The following EIF5A2 variants were observed in gnomAD, a reference collection of about 807,000 sequenced individuals.
EIF5A2 encodes eukaryotic translation initiation factor 5A2, also known as eukaryotic translation initiation factor 5A-2.
EIF5A2 carries 15 observed loss-of-function variants against 16.4 expected under a neutral mutation model. That is an observed-to-expected ratio of 0.92 (90% CI 0.61 to 1.41). The LOEUF (loss-of-function observed/expected upper bound fraction) is 1.41. Among genes scored for constraint, EIF5A2 ranks in the 40% most tolerant of loss-of-function variants. The pLI, the probability that EIF5A2 is intolerant of heterozygous loss-of-function variation, is 0.00. For missense variants in EIF5A2, 144 were observed against 189.5 expected (o/e 0.76, Z 1.41); for synonymous variants, 48 against 61.1 (o/e 0.79, Z 1.00).
chr3:170,907,385 T>C (rs547037980), intron 2 of EIF5A2, among the ~76,000 whole-genome samples: 9 of 152,278 alleles, frequency 5.9e-5, no homozygotes, highest in African/African-American at 2.2e-4. Context: ...TTTTCTCATC[T>C]GTAAACTAAA....
intron 4 of EIF5A2, among the ~76,000 whole-genome samples, chr3:170,893,720 GCAT>G (rs1237159895): frequency 2.6e-5 from 4 of 152,142 alleles, no homozygotes; most frequent in African/African-American, 9.7e-5. Flanking sequence ...CATTCCACTA[GCAT>G]CATTTCTTAC....
intron 3 of EIF5A2, among the ~76,000 whole-genome samples, chr3:170,904,406 A>T (rs1367015564): frequency 1.3e-5 from 2 of 152,236 alleles, no homozygotes; most frequent in African/African-American, 4.8e-5. Context: ...AGGATTACAC[A>T]CGCCAAATAA....
intron 3 of EIF5A2, among the ~76,000 whole-genome samples, chr3:170,903,946 G>T (rs1712871860): frequency 1.3e-5 from 2 of 152,178 alleles, no homozygotes; most frequent in African/African-American, 4.8e-5. Flanking sequence ...CTGGAAAATG[G>T]TTTTCAAATG....
rs946628727 is a variant in EIF5A2 at position 170,889,427 on chromosome 3, A to T, written c.*3933T>A. ...AGAGAAAAAATTTAATAGATTAAAT[A>T]GATTGAATTGTCTCAATTTTTAAGG... is the stretch of plus-strand genomic sequence containing the variant. On this transcript the variant is annotated 3_prime_UTR_variant, in exon 5 of 5. Coordinates refer to ENST00000295822, the MANE Select transcript of EIF5A2 (RefSeq NM_020390.6). The T allele has an allele frequency of 3.3e-5, 5 of 152,352 alleles. No individual in the cohort carries two copies. The highest frequency in any genetic ancestry group is 1.2e-4 in the African/African-American group (5 of 41,458). 9.4% of individuals were successfully genotyped at this position (152,352 alleles called of 1,614,324 possible).
Position 170,892,428 on chromosome 3 carries a change from CAAAAAAAAAA to C in EIF5A2, c.*922_*931del, listed in dbSNP as rs34403814. 1.2e-5 allele frequency: 1 copy of C among 81,722 alleles called. No individual in the cohort carries two copies. The highest frequency in any genetic ancestry group is 2.5e-5 in the Non-Finnish European group (1 of 39,938). 5.1% of individuals were successfully genotyped at this position (81,722 alleles called of 1,614,324 possible). ...TGGCTGATGGAGTGAGACTCAGTCT[CAAAAAAAAAA>C]AAAAAAAAAAGGAAGTTGGAAAGGA... On this transcript the variant is annotated 3_prime_UTR_variant, in exon 5 of 5. Coordinates refer to ENST00000295822, the MANE Select transcript of EIF5A2 (RefSeq NM_020390.6).
chr3:170,894,618 G>A (rs781653472), intron 3 of EIF5A2, among the ~76,000 whole-genome samples, 195 bp from the exon 4 acceptor site: 122 of 151,794 alleles, frequency 8.0e-4, no homozygotes, highest in Non-Finnish European at 1.4e-3. Flanking sequence ...TACTCCTCCC[G>A]GTACTTCCCA....
At chr3:170,904,928 C>G (rs1056405750) in intron 3 of EIF5A2, among the ~76,000 whole-genome samples, 20 of 152,104 alleles carry the variant, frequency 1.3e-4, no homozygotes, top group African/African-American at 4.8e-4. Flanking sequence ...AACTTGTCAA[C>G]CAAGGTCACA....
chr3:170,897,015 G>C (rs886188117), intron 3 of EIF5A2, among the ~76,000 whole-genome samples: 1 of 152,192 alleles, frequency 6.6e-6, no homozygotes, highest in Admixed American at 6.5e-5. Flanking sequence ...GCAGCATTTT[G>C]CCCTGCCCTA....
rs1712540346 is a variant in EIF5A2 at position 170,891,697 on chromosome 3, G to C, written c.*1663C>G. On this transcript the variant is annotated 3_prime_UTR_variant, in exon 5 of 5. Coordinates refer to ENST00000295822, the MANE Select transcript of EIF5A2 (RefSeq NM_020390.6). ...CTAAGAGCCAGTCTTAGAGAATTAA[G>C]GTATTTCTGAGATAGTGATTTTGTT... 1 of 152,468 alleles carries C rather than the reference G, an allele frequency of 6.6e-6. No homozygotes were observed. Among genetic ancestry groups the C allele is most frequent in the East Asian group, 1.9e-4 (1 of 5,186 alleles). 9.4% of individuals were successfully genotyped at this position (152,468 alleles called of 1,614,324 possible).
Position 170,907,752 on chromosome 3 carries a change from G to A in EIF5A2, c.55C>T (p.Pro19Ser), listed in dbSNP as rs753032245. The A allele has an allele frequency of 2.5e-6, 4 of 1,593,762 alleles. No individual in the cohort carries two copies. The highest frequency in any genetic ancestry group is 2.2e-5 in the South Asian group (2 of 89,816). ...TTGCGCAAGGCCGAGCACTGCATAG[G>A]GTAAGTGCTGGAAGCCCCGGCATCT... ...TGDAGASSTY[P>S]MQCSALRKNG... Residue 19 changes from proline to serine, a missense_variant, in exon 2 of 5, where the codon CCT becomes TCT. Coordinates refer to ENST00000295822, the MANE Select transcript of EIF5A2 (RefSeq NM_020390.6).
At chr3:170,898,501 C>A (rs546339474) in intron 3 of EIF5A2, among the ~76,000 whole-genome samples, 16 of 152,158 alleles carry the variant, frequency 1.1e-4, no homozygotes, top group African/African-American at 3.6e-4. Context: ...TTGACAGATC[C>A]CCCCTGCTTG....
At chr3:170,896,021 CT>C (rs1712661602) in intron 3 of EIF5A2, among the ~76,000 whole-genome samples, 1 of 152,170 alleles carries the variant, frequency 6.6e-6, no homozygotes, top group African/African-American at 2.4e-5. Context: ...ACAAATCTTT[CT>C]GATTTCTGTT....
At chr3:170,903,519 C>T (rs1462454911) in intron 3 of EIF5A2, among the ~76,000 whole-genome samples, 1 of 152,094 alleles carries the variant, frequency 6.6e-6, no homozygotes, top group Non-Finnish European at 1.5e-5. Context: ...AAGTTAGTGG[C>T]TCTTCTCATG....
intron 4 of EIF5A2, 115 bp downstream of exon 4, chr3:170,894,177 A>G (rs887607828): frequency 1.7e-6 from 2 of 1,175,760 alleles, no homozygotes; most frequent in Non-Finnish European, 2.4e-6. Context: ...GATCATTTTC[A>G]ACATTTTAGC....
At chr3:170,904,540 C>T (rs1712886003) in intron 3 of EIF5A2, among the ~76,000 whole-genome samples, 1 of 152,152 alleles carries the variant, frequency 6.6e-6, no homozygotes, top group Admixed American at 6.5e-5. Flanking sequence ...GTCGCCCAGG[C>T]TAGAGTGCAG....
Position 170,893,014 on chromosome 3 carries a change from A to C in EIF5A2, c.*346T>G, listed in dbSNP as rs973013963. 7.1e-6 allele frequency: 3 copies of C among 421,364 alleles called. No individual in the cohort carries two copies. The highest frequency in any genetic ancestry group is 1.2e-5 in the Non-Finnish European group (3 of 240,750). The allele number at this position is 421,364 out of a possible 1,614,324, so 26.1% of individuals were successfully genotyped here. A position where few individuals can be genotyped will look rare whatever the true frequency, so the allele number is the denominator to read the frequency against. ...GTACTTCAATACCACTTTATGCTAC[A>C]TTGTTTGATTTAAAACCCTGGTTTA... On this transcript the variant is annotated 3_prime_UTR_variant, in exon 5 of 5. Transcript: ENST00000295822.
chr3:170,901,620 G>T (rs1244515737), intron 3 of EIF5A2, among the ~76,000 whole-genome samples: 1 of 149,938 alleles, frequency 6.7e-6, no homozygotes. Flanking sequence ...GTGCAGTGGC[G>T]CAATCTTGGC....
chr3:170,888,723 A>G lies in EIF5A2; in HGVS notation c.*4637T>C, dbSNP rs1277814053. Reference sequence around the variant, plus strand: ...TTACTAAAAAAGTGCCACTGAATTTAGACAATGCTAAACTGTTTCCTTTTT... The same window carrying G: ...TTACTAAAAAAGTGCCACTGAATTTGGACAATGCTAAACTGTTTCCTTTTT... On this transcript the variant is annotated 3_prime_UTR_variant, in exon 5 of 5. Transcript: ENST00000295822. 2.0e-5 allele frequency: 3 copies of G among 152,638 alleles called. No homozygotes were observed. Among genetic ancestry groups the G allele is most frequent in the Non-Finnish European group, 4.4e-5 (3 of 68,018 alleles). 9.5% of individuals were successfully genotyped at this position (152,638 alleles called of 1,614,324 possible).
rs34403814 is a variant in EIF5A2 at position 170,892,428 on chromosome 3, C to CAAAAAAAAAAAAA, written c.*919_*931dup. On this transcript the variant is annotated 3_prime_UTR_variant, in exon 5 of 5. Transcript: ENST00000295822. ...TGGCTGATGGAGTGAGACTCAGTCTCAAAAAAAAAAAAAAAAAAAAGGAAG... is the reference window on the plus strand; with the variant it reads ...TGGCTGATGGAGTGAGACTCAGTCTCAAAAAAAAAAAAAAAAAAAAAAAAAAAAAAAAAGGAAG... 1 of 81,722 alleles carries CAAAAAAAAAAAAA rather than the reference C, an allele frequency of 1.2e-5. No individual in the cohort carries two copies. The highest frequency in any genetic ancestry group is 2.5e-5 in the Non-Finnish European group (1 of 39,938). 5.1% of individuals were successfully genotyped at this position (81,722 alleles called of 1,614,324 possible).
Sources: allele counts gnomAD v4.1 joint callset (sites outside exome capture counted in the v4.1 genomes callset), GRCh38; gene constraint gnomAD v4.1.1; transcripts MANE v1.5; gene names NCBI Gene and HGNC (gene_info 2026-07-23, HGNC 2026-07-21).